SGK1: variants seen among roughly 807,000 people sequenced by gnomAD.
SGK1 encodes serum/glucocorticoid regulated kinase 1.
In SGK1, 26 loss-of-function variants were observed where a neutral mutation model predicts 64.2. That is an observed-to-expected ratio of 0.40 (90% CI 0.30 to 0.56). The LOEUF is 0.56. SGK1 is among the 20% of genes least tolerant of loss of function. The probability of loss-of-function intolerance (pLI) is 0.38; values close to 1 mark genes in which losing one functional copy is unlikely to be tolerated. For synonymous variants in SGK1, 265 were observed against 239.7 expected, an observed-to-expected ratio of 1.11 and a Z score of -0.98; for missense variants, 519 against 645.6, an observed-to-expected ratio of 0.80 and a Z score of 2.12.
chr6:134,177,513 A>G (rs2114649073), intron 3 of SGK1: 1 of 689,738 alleles, frequency 1.4e-6, no homozygotes, highest in Non-Finnish European at 2.4e-6. Context: ...CAACCTGCAC[A>G]CAGACTTTTG....
At chr6:134,178,515 T>G (rs1292101183) in intron 3 of SGK1, among the ~76,000 whole-genome samples, 1 of 152,214 alleles carries the variant, frequency 6.6e-6, no homozygotes, top group Admixed American at 6.5e-5. Context: ...TCTTGATCTG[T>G]TCTTCCTTCC....
At chr6:134,231,351 G>C (rs1423391939) in intron 2 of SGK1, among the ~76,000 whole-genome samples, 12 of 152,184 alleles carry the variant, frequency 7.9e-5, no homozygotes. Context: ...CCTGTAAAAA[G>C]AGAGTTAGCA....
chr6:134,269,484 C>T (rs1776907746), intron 1 of SGK1, among the ~76,000 whole-genome samples: 1 of 146,824 alleles, frequency 6.8e-6, no homozygotes, highest in South Asian at 2.3e-4. Flanking sequence ...CATGGTGAAA[C>T]CCCGTTTCTA....
chr6:134,213,404 C>T (rs569714296), intron 2 of SGK1, among the ~76,000 whole-genome samples: 13 of 152,014 alleles, frequency 8.6e-5, no homozygotes, highest in Non-Finnish European at 1.9e-4. Flanking sequence ...ACCTGTAATC[C>T]TAGCTACTCT....
rs533001477 is a variant in SGK1 at position 134,202,368 on chromosome 6, G to A, written c.361+4988C>T. 2.5e-3 allele frequency among the ~76,000 whole-genome samples: 378 copies of A among 152,314 alleles called. 3 individuals are homozygous for A. Among genetic ancestry groups the A allele is most frequent in the African/African-American group, 8.7e-3 (362 of 41,560 alleles). On this transcript the variant is annotated intron_variant, in intron 3 of 13. Transcript: ENST00000367858. ...AAGACTTATAAGAAATCCTGGCCAG[G>A]CGCGGTGGCTCACTCCTGTAATCCC...
At chr6:134,197,126 G>GGGATAAGA in intron 3 of SGK1, among the ~76,000 whole-genome samples, 2 of 152,090 alleles carry the variant, frequency 1.3e-5, no homozygotes, top group Non-Finnish European at 2.9e-5. Flanking sequence ...CCAGCTACTT[G>GGGATAAGA]GGGGGCTGAG....
chr6:134,265,004 G>A (rs1194290627), intron 1 of SGK1, among the ~76,000 whole-genome samples: 1 of 152,102 alleles, frequency 6.6e-6, no homozygotes, highest in Non-Finnish European at 1.5e-5. Context: ...TAGCAATAAT[G>A]TTTAAGCAAT....
intron 1 of SGK1, among the ~76,000 whole-genome samples, chr6:134,279,519 C>G (rs9402579): frequency 0.11 from 16,580 of 151,958 alleles, 1,238 homozygotes; most frequent in East Asian, 0.38. Flanking sequence ...CTTGGTGATA[C>G]CACACCCTAC....
chr6:134,219,139 T>C (rs1034526092), intron 2 of SGK1, among the ~76,000 whole-genome samples: 3 of 152,198 alleles, frequency 2.0e-5, no homozygotes, highest in Non-Finnish European at 2.9e-5. Flanking sequence ...CGTGCCACCA[T>C]GCCCAGCTAA....
At chr6:134,283,877 A>C (rs1344724451) in intron 1 of SGK1, among the ~76,000 whole-genome samples, 297 of 98,756 alleles carry the variant, frequency 3.0e-3, no homozygotes, top group African/African-American at 5.2e-3. Flanking sequence ...CACCACCAAA[A>C]AAAAAAAAAA....
chr6:134,217,380 G>A (rs1010810408), intron 2 of SGK1, among the ~76,000 whole-genome samples: 7 of 152,190 alleles, frequency 4.6e-5, no homozygotes, highest in African/African-American at 1.4e-4. Flanking sequence ...CAGAATGCGT[G>A]TGGGCCCTTG....
At chr6:134,220,271 C>T (rs1014150568) in intron 2 of SGK1, among the ~76,000 whole-genome samples, 43 of 152,108 alleles carry the variant, frequency 2.8e-4, no homozygotes, top group African/African-American at 1.0e-3. Context: ...ATCACAGAAT[C>T]ATAGTATTTT....
chr6:134,297,862 C>T (rs1046438668), intron 1 of SGK1: 32 of 779,694 alleles, frequency 4.1e-5, no homozygotes, highest in Middle Eastern at 6.0e-4. Flanking sequence ...ATCTGCAGCT[C>T]CTCATATTTG....
At chr6:134,243,474 A>T (rs887049361) in intron 2 of SGK1, among the ~76,000 whole-genome samples, 7 of 151,994 alleles carry the variant, frequency 4.6e-5, no homozygotes, top group Non-Finnish European at 1.0e-4. Flanking sequence ...GGTTCAAGCG[A>T]TTCCCCTGCC....
intron 3 of SGK1, among the ~76,000 whole-genome samples, chr6:134,196,731 G>A (rs1310385485): frequency 6.6e-6 from 1 of 152,192 alleles, no homozygotes. Context: ...TAGAGAAATT[G>A]ATTTTTAAAA....
intron 3 of SGK1, among the ~76,000 whole-genome samples, chr6:134,196,455 T>C (rs1359907093): frequency 6.6e-6 from 1 of 151,768 alleles, no homozygotes; most frequent in African/African-American, 2.4e-5. Context: ...GAAAAAATAA[T>C]AATTTACCCT....
At chr6:134,198,880 T>G (rs904350869) in intron 3 of SGK1, among the ~76,000 whole-genome samples, 18 of 152,034 alleles carry the variant, frequency 1.2e-4, no homozygotes, top group African/African-American at 4.3e-4. Flanking sequence ...ATTTATTTAT[T>G]TATTCTTGTA....
At chr6:134,293,415 C>T (rs1227990029) in intron 1 of SGK1, among the ~76,000 whole-genome samples, 1 of 152,090 alleles carries the variant, frequency 6.6e-6, no homozygotes, top group Non-Finnish European at 1.5e-5. Context: ...AGCAAAAACA[C>T]CTAGGCTGTA....
intron 2 of SGK1, among the ~76,000 whole-genome samples, chr6:134,258,432 T>C (rs4896034): frequency 0.77 from 116,659 of 152,144 alleles, 44,946 homozygotes; most frequent in South Asian, 0.82. Flanking sequence ...CCACCTGGCA[T>C]GGTGGCTCAC....
Sources: gnomAD v4.1 joint callset for allele counts (sites outside exome capture counted in the v4.1 genomes callset) on GRCh38, gnomAD v4.1.1 for gene constraint, MANE v1.5 for transcripts, NCBI Gene and HGNC (gene_info 2026-07-23, HGNC 2026-07-21) for gene names.